Variants in RALGAPA2 observed in about 807,000 individuals in gnomAD.
RALGAPA2 encodes Ral GTPase activating protein catalytic subunit alpha 2, also known as ral GTPase-activating protein subunit alpha-2.
In RALGAPA2, 139 loss-of-function variants were observed where a neutral mutation model predicts 230.4. The observed-to-expected ratio is 0.60, with a 90% CI of 0.53 to 0.69. The LOEUF (loss-of-function observed/expected upper bound fraction) is 0.69, where lower values mean the gene tolerates loss of function less well. Among genes scored for constraint, RALGAPA2 ranks in the 30% least tolerant of loss-of-function variants. The pLI, the probability that RALGAPA2 is intolerant of heterozygous loss-of-function variation, is 0.00. For missense variants in RALGAPA2, 2,163 were observed against 2,276.0 expected (o/e 0.95, Z 1.01); for synonymous variants, 847 against 837.8 (o/e 1.01, Z -0.19).
intron 37 of RALGAPA2, among the ~76,000 whole-genome samples, chr20:20,468,941 CTGTGTGTGTGTGTGTGTGTGTTTG>C (rs1211901331): frequency 8.8e-5 from 13 of 148,060 alleles, no homozygotes; most frequent in Admixed American, 1.3e-4. Flanking sequence ...CACCTCCATC[CTGTGTGTGTGTGTGTGTGTGTTTG>C]TGTGTGTGTG....
chr20:20,509,730 T>C (rs746582178), intron 33 of RALGAPA2, among the ~76,000 whole-genome samples: 8 of 152,212 alleles, frequency 5.3e-5, no homozygotes, highest in African/African-American at 1.9e-4. Context: ...AGAAAACTTA[T>C]GCCCTTCTGA....
intron 39 of RALGAPA2, among the ~76,000 whole-genome samples, chr20:20,395,920 C>T (rs1311377379): frequency 1.3e-5 from 2 of 152,232 alleles, no homozygotes; most frequent in East Asian, 3.8e-4. Context: ...CTTGCTTTCT[C>T]CTGTGAATGG....
chr20:20,439,202 G>A (rs1368892098), intron 37 of RALGAPA2, among the ~76,000 whole-genome samples: 1 of 151,780 alleles, frequency 6.6e-6, no homozygotes, highest in Non-Finnish European at 1.5e-5. Context: ...ATCCTTCTAA[G>A]CAGTCCTGGT....
chr20:20,683,711 A>C (rs1568749908), intron 1 of RALGAPA2, among the ~76,000 whole-genome samples: 1 of 152,230 alleles, frequency 6.6e-6, no homozygotes, highest in Non-Finnish European at 1.5e-5. Flanking sequence ...CCTGACTCAA[A>C]GACTCGGCGC....
intron 37 of RALGAPA2, among the ~76,000 whole-genome samples, chr20:20,442,318 G>A (rs1193371182): frequency 6.6e-6 from 1 of 152,316 alleles, no homozygotes; most frequent in East Asian, 1.9e-4. Context: ...AGAGATACTT[G>A]GTGGGAATGT....
chr20:20,649,283 G>T lies in RALGAPA2; in HGVS notation c.328+4247C>A, dbSNP rs140930940. ...GTATGGTCTGAATGAGGGGAGCAGG[G>T]AAAGCTGCCAGACTCAGGCTCCCAA... On this transcript the variant is annotated intron_variant, in intron 4 of 39. Coordinates refer to ENST00000202677, the MANE Select transcript of RALGAPA2 (RefSeq NM_020343.4). Among the ~76,000 whole-genome samples, 955 of 152,280 alleles carry T rather than the reference G, an allele frequency of 6.3e-3. 15 individuals are homozygous for T. Among genetic ancestry groups the T allele is most frequent in the African/African-American group, 0.022 (894 of 41,536 alleles).
intron 38 of RALGAPA2, among the ~76,000 whole-genome samples, chr20:20,402,752 A>C (rs2059873246): frequency 6.6e-6 from 1 of 152,180 alleles, no homozygotes; most frequent in Non-Finnish European, 1.5e-5. Flanking sequence ...CCCCATCCCC[A>C]CAGTGCACCC....
intron 10 of RALGAPA2, among the ~76,000 whole-genome samples, chr20:20,624,054 C>T (rs1402070684): frequency 2.6e-5 from 4 of 152,090 alleles, no homozygotes; most frequent in Non-Finnish European, 5.9e-5. Context: ...ACGCTGGACG[C>T]GGTAGCTCAG....
chr20:20,523,656 C>T (rs947562051), intron 30 of RALGAPA2, among the ~76,000 whole-genome samples: 12 of 152,052 alleles, frequency 7.9e-5, no homozygotes, highest in African/African-American at 1.2e-4. Flanking sequence ...GATTTGATTA[C>T]GTGAATGTAT....
intron 37 of RALGAPA2, among the ~76,000 whole-genome samples, chr20:20,458,671 AAT>A (rs570013461): frequency 9.2e-5 from 12 of 130,814 alleles, no homozygotes; most frequent in African/African-American, 1.4e-4. Flanking sequence ...GCCCTCATTC[AAT>A]ATATATATAT....
rs889018602 is a variant in RALGAPA2, at chr20:20,648,788, T to C, written c.328+4742A>G. Among the ~76,000 whole-genome samples the C allele has an allele frequency of 4.6e-5, 7 of 151,890 alleles. No individual in the cohort carries two copies. The East Asian group carries it at 9.7e-4, about 21-fold the overall frequency. ...ATGGCAGCAACCAGGAGGTAGAAGATGGCATGTAAAAGGGACAGAGGTTTC... is the reference window on the plus strand; with the variant it reads ...ATGGCAGCAACCAGGAGGTAGAAGACGGCATGTAAAAGGGACAGAGGTTTC... On this transcript the variant is annotated intron_variant, in intron 4 of 39. Transcript: ENST00000202677.
intron 37 of RALGAPA2, among the ~76,000 whole-genome samples, chr20:20,432,987 T>C (rs1305019891): frequency 6.6e-6 from 1 of 152,230 alleles, no homozygotes; most frequent in Non-Finnish European, 1.5e-5. Flanking sequence ...GCACCAAGAA[T>C]CTCCTAAGTG....
chr20:20,408,503 C>A (rs1261173226), intron 38 of RALGAPA2, among the ~76,000 whole-genome samples: 1 of 152,176 alleles, frequency 6.6e-6, no homozygotes, highest in Non-Finnish European at 1.5e-5. Context: ...CTATTTATAT[C>A]TTTTCTGATA....
chr20:20,703,951 G>A (rs1161503038), intron 1 of RALGAPA2, among the ~76,000 whole-genome samples: 1 of 152,112 alleles, frequency 6.6e-6, no homozygotes, highest in East Asian at 1.9e-4. Context: ...AACGTTAAAT[G>A]CATTTTTCAG....
intron 31 of RALGAPA2, 95 bp downstream of exon 31, chr20:20,520,822 A>T: frequency 9.0e-7 from 1 of 1,106,996 alleles, no homozygotes; most frequent in South Asian, 2.0e-5. Flanking sequence ...TTTCAACTTC[A>T]ACAACTAGAT....
chr20:20,460,319 C>CTG (rs1210841491), intron 37 of RALGAPA2, among the ~76,000 whole-genome samples: 1 of 152,180 alleles, frequency 6.6e-6, no homozygotes, highest in Non-Finnish European at 1.5e-5. Flanking sequence ...AGTAAGGAAA[C>CTG]TGACAGAGGT....
intron 1 of RALGAPA2, among the ~76,000 whole-genome samples, chr20:20,696,464 C>T (rs946892598): frequency 6.6e-6 from 1 of 152,132 alleles, no homozygotes; most frequent in Non-Finnish European, 1.5e-5. Context: ...TTCCTTTACA[C>T]CTAAAGGTCA....
intron 3 of RALGAPA2, among the ~76,000 whole-genome samples, chr20:20,661,483 T>C (rs1169425691): frequency 6.6e-6 from 1 of 152,148 alleles, no homozygotes; most frequent in East Asian, 1.9e-4. Context: ...GTTCTTGATA[T>C]TAGAAGAAAA....
At chr20:20,693,445 C>G (rs186539000) in intron 1 of RALGAPA2, among the ~76,000 whole-genome samples, 10 of 152,178 alleles carry the variant, frequency 6.6e-5, no homozygotes, top group African/African-American at 2.4e-4. Context: ...ACACTTGGAC[C>G]TCCTTTTCTT....
Sources: gnomAD v4.1 joint callset for allele counts (sites outside exome capture counted in the v4.1 genomes callset) on GRCh38, gnomAD v4.1.1 for gene constraint, MANE v1.5 for transcripts, NCBI Gene and HGNC (gene_info 2026-07-23, HGNC 2026-07-21) for gene names.